Variants in STIM2 observed in about 807,000 individuals in gnomAD.
The protein encoded by STIM2 is stromal interaction molecule 2.
STIM2 carries 31 observed loss-of-function variants against 85.8 expected under a neutral mutation model. That is an observed-to-expected ratio of 0.36 (90% CI 0.27 to 0.49). The LOEUF (loss-of-function observed/expected upper bound fraction) is 0.49, where lower values mean the gene tolerates loss of function less well. STIM2 is among the 20% of genes least tolerant of loss of function. The probability of loss-of-function intolerance (pLI) is 0.98; values close to 1 mark genes in which losing one functional copy is unlikely to be tolerated. For missense variants in STIM2, 841 were observed against 927.6 expected (o/e 0.91, Z 1.21); for synonymous variants, 356 against 331.1 (o/e 1.08, Z -0.82).
intron 2 of STIM2, among the ~76,000 whole-genome samples, chr4:26,941,228 A>G (rs145271091): frequency 9.9e-5 from 15 of 152,200 alleles, no homozygotes; most frequent in Non-Finnish European, 1.9e-4. Context: ...TGCTTGTCAA[A>G]CCATCTTTTA....
At chr4:26,892,499 GA>G (rs763791241) in intron 1 of STIM2, among the ~76,000 whole-genome samples, 3 of 152,110 alleles carry the variant, frequency 2.0e-5, no homozygotes, top group Admixed American at 6.5e-5. Flanking sequence ...ATTACTTTGG[GA>G]GTTAGGATTT....
chr4:26,978,878 T>C (rs1727288331), intron 3 of STIM2, among the ~76,000 whole-genome samples: 1 of 152,100 alleles, frequency 6.6e-6, no homozygotes, highest in Admixed American at 6.6e-5. Flanking sequence ...GGGTGGGTGG[T>C]GTCTGGCAGC....
chr4:26,898,676 C>A (rs1723797017), intron 1 of STIM2, among the ~76,000 whole-genome samples: 1 of 152,032 alleles, frequency 6.6e-6, no homozygotes, highest in African/African-American at 2.4e-5. Context: ...TTTTTTCACC[C>A]TTATGTATCA....
chr4:26,911,705 C>T (rs1157041789), intron 1 of STIM2, among the ~76,000 whole-genome samples: 1 of 152,090 alleles, frequency 6.6e-6, no homozygotes, highest in Non-Finnish European at 1.5e-5. Context: ...TTCTTATTTG[C>T]TGTTCTAGCA....
chr4:26,884,930 A>G (rs1423926554), intron 1 of STIM2, among the ~76,000 whole-genome samples: 3 of 152,164 alleles, frequency 2.0e-5, no homozygotes, highest in Non-Finnish European at 4.4e-5. Context: ...CTTAACCAGT[A>G]CTCTTGCCTC....
intron 7 of STIM2, among the ~76,000 whole-genome samples, chr4:27,006,253 A>G (rs545937933): frequency 3.3e-5 from 5 of 152,232 alleles, no homozygotes; most frequent in Admixed American, 2.6e-4. Flanking sequence ...CTTAAAATAT[A>G]TTTTTCTACG....
intron 4 of STIM2, among the ~76,000 whole-genome samples, chr4:26,996,173 C>A (rs1321464232): frequency 1.3e-5 from 2 of 151,974 alleles, no homozygotes; most frequent in Non-Finnish European, 2.9e-5. Flanking sequence ...CAGTTGTTCT[C>A]TAAATTTTAT....
At position 27,003,044 on chromosome 4, in the gene STIM2, A is replaced by G. The variant is rs1242511490; in HGVS notation, c.921A>G (p.Leu307=). 6.2e-7 allele frequency: 1 copy of G among 1,605,428 alleles called. No homozygotes were observed. Among genetic ancestry groups the G allele is most frequent in the East Asian group, 2.3e-5 (1 of 44,226 alleles). ...AGGAGGCTTGTCGGCTGAGAGAGCT[A>G]AGGGAGGGAGCTGAATGTGAATTGA... The change falls in exon 7 of 12, where the codon CTA becomes CTG. Residue 307 remains leucine, a synonymous_variant. Transcript: ENST00000467087.
intron 1 of STIM2, among the ~76,000 whole-genome samples, chr4:26,872,529 T>C (rs1191088927): frequency 1.3e-5 from 2 of 152,230 alleles, no homozygotes; most frequent in Non-Finnish European, 2.9e-5. Flanking sequence ...ATCAAAATTT[T>C]GTTTTTTACA....
intron 11 of STIM2, among the ~76,000 whole-genome samples, chr4:27,018,355 C>G (rs1473165449): frequency 6.6e-6 from 1 of 152,198 alleles, no homozygotes; most frequent in Non-Finnish European, 1.5e-5. Context: ...CGGCTGCTCT[C>G]AGGTCCTGGA....
In STIM2 at chr4:26,913,852, G is replaced by A. The variant is rs761911476; in HGVS notation, c.152-5652G>A. On this transcript the variant is annotated intron_variant, in intron 1 of 11. Transcript: ENST00000467087. ...GAGGAATGATCAAAACAAAGCCTGT[G>A]ATCTCACGGTTGCATTATGGCGGGA... 2.0e-5 allele frequency among the ~76,000 whole-genome samples: 3 copies of A among 152,206 alleles called. 1 individual carries two copies. The highest frequency in any genetic ancestry group is 4.1e-4 in the South Asian group (2 of 4,834).
chr4:26,876,118 C>G (rs997069358), intron 1 of STIM2, among the ~76,000 whole-genome samples: 4 of 152,118 alleles, frequency 2.6e-5, no homozygotes, highest in Non-Finnish European at 1.5e-5. Context: ...GGGGTCCACA[C>G]AGTCTCAGAC....
chr4:26,903,003 C>T (rs544257282), intron 1 of STIM2, among the ~76,000 whole-genome samples: 47 of 151,916 alleles, frequency 3.1e-4, no homozygotes, highest in Non-Finnish European at 6.6e-4. Flanking sequence ...AAATGGTAGC[C>T]GTCTTTGTGC....
chr4:26,923,261 C>T (rs1724877580), intron 2 of STIM2, among the ~76,000 whole-genome samples: 1 of 151,080 alleles, frequency 6.6e-6, no homozygotes, highest in African/African-American at 2.4e-5. Flanking sequence ...GTAGATAAAA[C>T]CACAAAGATG....
intron 1 of STIM2, chr4:26,861,766 T>A (rs992531098): frequency 6.6e-6 from 1 of 151,194 alleles, no homozygotes; most frequent in South Asian, 2.2e-4. Flanking sequence ...TGAGTCTACC[T>A]CTGGTGCTGC....
intron 1 of STIM2, among the ~76,000 whole-genome samples, chr4:26,917,141 G>A (rs1427699749): frequency 6.6e-6 from 1 of 152,142 alleles, no homozygotes; most frequent in East Asian, 1.9e-4. Context: ...TGACACATAA[G>A]CAATTAAAGC....
intron 1 of STIM2, chr4:26,874,083 G>T: frequency 1.6e-6 from 1 of 606,116 alleles, no homozygotes; most frequent in East Asian, 3.4e-5. Context: ...GGTACTCTTA[G>T]CTGAGCGAGC....
At chr4:26,907,970 C>T (rs1560202916) in intron 1 of STIM2, among the ~76,000 whole-genome samples, 5 of 152,104 alleles carry the variant, frequency 3.3e-5, no homozygotes, top group East Asian at 3.8e-4. Context: ...GAACAGTACA[C>T]GGAAGGGGAA....
chr4:26,907,255 A>G (rs1724166217), intron 1 of STIM2, among the ~76,000 whole-genome samples: 1 of 152,226 alleles, frequency 6.6e-6, no homozygotes, highest in South Asian at 2.1e-4. Flanking sequence ...TGAAGTAAAC[A>G]CTTAGAACTA....
Sources: gnomAD v4.1 joint callset for allele counts (sites outside exome capture counted in the v4.1 genomes callset) on GRCh38, gnomAD v4.1.1 for gene constraint, MANE v1.5 for transcripts, NCBI Gene and HGNC (gene_info 2026-07-23, HGNC 2026-07-21) for gene names.